The following GRIK3 variants were observed in gnomAD, a reference collection of about 807,000 sequenced individuals.
The protein encoded by GRIK3 is glutamate ionotropic receptor kainate type subunit 3.
GRIK3 carries 29 observed loss-of-function variants against 102.5 expected under a neutral mutation model. That is an observed-to-expected ratio of 0.28 (90% CI 0.21 to 0.39). GRIK3 has a LOEUF of 0.39. Among genes scored for constraint, GRIK3 ranks in the 10% least tolerant of loss-of-function variants. The pLI is 1.00. For synonymous variants in GRIK3, 511 were observed against 504.9 expected (o/e 1.01, Z -0.16); for missense variants, 908 against 1,252.4 (o/e 0.73, Z 4.15).
chr1:36,879,570 T>C (rs1306618440), intron 3 of GRIK3, among the ~76,000 whole-genome samples: 4 of 152,012 alleles, frequency 2.6e-5, no homozygotes, highest in Admixed American at 6.6e-5. Flanking sequence ...GGTTTGTTGG[T>C]GGTTATCTGC....
intron 1 of GRIK3, among the ~76,000 whole-genome samples, chr1:36,969,902 C>T (rs186204174): frequency 5.6e-4 from 85 of 152,262 alleles, no homozygotes; most frequent in African/African-American, 2.0e-3. Context: ...TTCAGCTAAT[C>T]GAAACTATGA....
chr1:36,900,317 C>A (rs1389812194), intron 1 of GRIK3, among the ~76,000 whole-genome samples: 1 of 152,072 alleles, frequency 6.6e-6, no homozygotes, highest in Non-Finnish European at 1.5e-5. Flanking sequence ...TCCTCCTCCT[C>A]TTCCTCCTTC....
chr1:36,829,346 A>G (rs890968824), intron 10 of GRIK3, among the ~76,000 whole-genome samples: 1 of 152,028 alleles, frequency 6.6e-6, no homozygotes, highest in Admixed American at 6.6e-5. Flanking sequence ...GAGCTGGATG[A>G]GAGAACTTCA....
In GRIK3 at chr1:36,819,826, G is replaced by A; in HGVS notation, c.1783C>T (p.His595Tyr). 2.5e-6 allele frequency: 4 copies of A among 1,589,962 alleles called. No homozygotes were observed. Among genetic ancestry groups the A allele is most frequent in the Non-Finnish European group, 3.4e-6 (4 of 1,164,220 alleles). ...ACCTCGGAGCCAGGGTTGCAGGGGT[G>A]AGCATCGTACCACTCATAAGGGCTG... The part of the protein sequence containing the change: ...RFSPYEWYDA[H>Y]PCNPGSEVVE... Residue 595 changes from histidine (H) to tyrosine (Y), a missense_variant, in exon 12 of 16, where the codon CAC becomes TAC. By Grantham distance (83) the His-to-Tyr change is moderately conservative. Transcript: ENST00000373091. This position sits in a 1 kb window ranked among gnomAD's most constrained non-coding sequence, Gnocchi z 4.1.
chr1:36,809,825 C>T (rs1642543380), intron 13 of GRIK3, among the ~76,000 whole-genome samples: 2 of 152,190 alleles, frequency 1.3e-5, no homozygotes, highest in Non-Finnish European at 1.5e-5. Flanking sequence ...GGAAAGGACA[C>T]CAGAGAGCTT....
chr1:36,853,363 TA>T (rs1640607036), intron 8 of GRIK3, among the ~76,000 whole-genome samples: 2 of 152,188 alleles, frequency 1.3e-5, no homozygotes, highest in South Asian at 4.1e-4. Flanking sequence ...CAATGACCCT[TA>T]CTCACAGAGT....
At chr1:37,002,611 T>C (rs1002578247) in intron 1 of GRIK3, among the ~76,000 whole-genome samples, 5 of 152,096 alleles carry the variant, frequency 3.3e-5, no homozygotes, top group African/African-American at 1.2e-4. Context: ...GTACCAGACA[T>C]GGTTTATGAA....
chr1:36,865,832 C>A (rs1330692003), intron 5 of GRIK3, among the ~76,000 whole-genome samples: 1 of 152,176 alleles, frequency 6.6e-6, no homozygotes, highest in African/African-American at 2.4e-5. Context: ...GCAAAGTGCC[C>A]TGTTGCTGGC....
At chr1:36,885,179 A>G (rs1474982691) in intron 2 of GRIK3, among the ~76,000 whole-genome samples, 1 of 152,302 alleles carries the variant, frequency 6.6e-6, no homozygotes, top group Admixed American at 6.5e-5. Context: ...GTTGGTGTTG[A>G]TGAGACTGAC....
intron 5 of GRIK3, among the ~76,000 whole-genome samples, chr1:36,863,240 G>A (rs138000377): frequency 3.3e-5 from 5 of 152,054 alleles, no homozygotes; most frequent in African/African-American, 9.7e-5. Flanking sequence ...CTATGATGAC[G>A]CATCTCCTCC....
At chr1:36,897,651 C>T (rs1024056216) in intron 1 of GRIK3, among the ~76,000 whole-genome samples, 1 of 152,062 alleles carries the variant, frequency 6.6e-6, no homozygotes, top group Non-Finnish European at 1.5e-5. Flanking sequence ...ATAAATGCTA[C>T]TGAGGATGTG....
chr1:36,928,126 G>A (rs531722533), intron 1 of GRIK3, among the ~76,000 whole-genome samples: 19 of 152,176 alleles, frequency 1.2e-4, no homozygotes, highest in African/African-American at 3.4e-4. Flanking sequence ...GAAGGCCCTT[G>A]GGTCATCTCT....
intron 2 of GRIK3, among the ~76,000 whole-genome samples, chr1:36,887,566 C>T (rs1641053803): frequency 6.6e-6 from 1 of 151,774 alleles, no homozygotes; most frequent in Non-Finnish European, 1.5e-5. Flanking sequence ...ACCAGTCTGG[C>T]CAACATGATG....
At chr1:36,942,439 C>T (rs373715581) in intron 1 of GRIK3, among the ~76,000 whole-genome samples, 5 of 152,194 alleles carry the variant, frequency 3.3e-5, no homozygotes, top group Non-Finnish European at 7.3e-5. Context: ...GCTTGAAACA[C>T]GTTTTCAGTG....
At chr1:36,946,837 C>T (rs559312398) in intron 1 of GRIK3, among the ~76,000 whole-genome samples, 1 of 152,226 alleles carries the variant, frequency 6.6e-6, no homozygotes, top group East Asian at 1.9e-4. Flanking sequence ...TCCAACTACC[C>T]CGACACTGTC....
In GRIK3 at chr1:36,850,863, C is replaced by T. The variant is rs190070763; in HGVS notation, c.1213-439G>A. Among the ~76,000 whole-genome samples the T allele has an allele frequency of 6.8e-4, 103 of 152,316 alleles. No individual in the cohort carries two copies. The highest frequency in any genetic ancestry group is 2.4e-3 in the African/African-American group (100 of 41,562). On this transcript the variant is annotated intron_variant, in intron 8 of 15. Transcript: ENST00000373091. The surrounding 1 kb of genome is among the most constrained non-coding windows in gnomAD (Gnocchi z 4.0). ...GGTGGCAGCACAAGGAGGGGATGGA[C>T]CTCACTGGGAAATGCTGCTGGGTTT...
chr1:36,988,604 A>G lies in GRIK3; in HGVS notation c.115+45390T>C, dbSNP rs1400309620. 2.0e-5 allele frequency among the ~76,000 whole-genome samples: 3 copies of G among 152,260 alleles called. No homozygotes were observed. In the South Asian group the frequency reaches 6.2e-4, roughly 31 times the overall value. On this transcript the variant is annotated intron_variant, in intron 1 of 15. Transcript: ENST00000373091. Reference sequence around the variant, plus strand: ...AATAACTTTACTCCTGAGTGTTGCAAAGTGAAACTCCACAAAGTGCCGAGT... The same window carrying G: ...AATAACTTTACTCCTGAGTGTTGCAGAGTGAAACTCCACAAAGTGCCGAGT...
intron 8 of GRIK3, among the ~76,000 whole-genome samples, chr1:36,853,083 ATG>A (rs2124230683): frequency 6.6e-6 from 1 of 152,298 alleles, no homozygotes; most frequent in South Asian, 2.1e-4. Context: ...CTCAGAATCC[ATG>A]TGCTTCAACC....
chr1:36,877,502 G>A lies in GRIK3; in HGVS notation c.550+3132C>T, dbSNP rs564323484. 7.9e-5 allele frequency among the ~76,000 whole-genome samples: 12 copies of A among 152,154 alleles called. No individual in the cohort carries two copies. The East Asian group carries it at 1.7e-3, about 22-fold the overall frequency. On this transcript the variant is annotated intron_variant, in intron 3 of 15. Coordinates refer to ENST00000373091, the MANE Select transcript of GRIK3 (RefSeq NM_000831.4). ...TAAAACTCTGCTTTGATTATTCTAC[G>A]CCTTTGCTCAGCAATACTCAATGAT...
Sources: allele counts gnomAD v4.1 joint callset (sites outside exome capture counted in the v4.1 genomes callset), GRCh38; gene constraint gnomAD v4.1.1; non-coding constraint Gnocchi (gnomAD v3.1); transcripts MANE v1.5; gene names NCBI Gene and HGNC (gene_info 2026-07-23, HGNC 2026-07-21).